Variants in SMYD3 observed in about 807,000 individuals in gnomAD.
The protein encoded by SMYD3 is histone-lysine N-methyltransferase SMYD3.
SMYD3 carries 36 observed loss-of-function variants against 57.7 expected under a neutral mutation model. The ratio of observed to expected loss-of-function variants is 0.62; its 90% CI spans 0.48 to 0.82. The LOEUF (loss-of-function observed/expected upper bound fraction) is 0.82. Ranked by LOEUF, SMYD3 falls within the 40% of genes least tolerant of loss-of-function variation. The pLI, the probability that SMYD3 is intolerant of heterozygous loss-of-function variation, is 0.00. For missense variants in SMYD3, 515 were observed against 538.8 expected (o/e 0.96, Z 0.44); for synonymous variants, 211 against 195.0 (o/e 1.08, Z -0.68).
rs559629269 is a variant in SMYD3 at position 246,222,314 on chromosome 1, G to A, written c.531+104887C>T. Among the ~76,000 whole-genome samples the A allele has an allele frequency of 2.0e-5, 3 of 152,226 alleles. No homozygotes were observed. In the East Asian group the frequency reaches 5.8e-4, roughly 29 times the overall value. On this transcript the variant is annotated intron_variant, in intron 5 of 11. Coordinates refer to ENST00000490107, the MANE Select transcript of SMYD3 (RefSeq NM_001167740.2). ...ATAGCTCTAAGAAATAGATATTACAGGTATTATTACGGACTTTATTATCGA... is the reference window on the plus strand; with the variant it reads ...ATAGCTCTAAGAAATAGATATTACAAGTATTATTACGGACTTTATTATCGA...
chr1:246,324,984 C>CGG (rs144656985), intron 5 of SMYD3, among the ~76,000 whole-genome samples: 6 of 92,808 alleles, frequency 6.5e-5, no homozygotes, highest in South Asian at 4.7e-4. Context: ...GAGAAGGAGT[C>CGG]AGGGGGCGGG....
intron 1 of SMYD3, among the ~76,000 whole-genome samples, chr1:246,478,233 AG>A (rs2103055850): frequency 6.6e-6 from 1 of 152,384 alleles, no homozygotes; most frequent in South Asian, 2.1e-4. Context: ...AAATGATAGG[AG>A]ATTTCACTGC....
intron 5 of SMYD3, among the ~76,000 whole-genome samples, chr1:246,080,215 C>T (rs1312666461): frequency 6.6e-6 from 1 of 152,142 alleles, no homozygotes; most frequent in East Asian, 1.9e-4. Context: ...AACTGGGTCA[C>T]ACGGCAGGAG....
At position 246,219,359 on chromosome 1, in the gene SMYD3, C is replaced by T. The variant is rs370123426; in HGVS notation, c.531+107842G>A. 4.3e-4 allele frequency among the ~76,000 whole-genome samples: 66 copies of T among 152,174 alleles called. 1 individual carries two copies. Among genetic ancestry groups the T allele is most frequent in the African/African-American group, 1.5e-3 (64 of 41,502 alleles). Reference sequence around the variant, plus strand: ...GCTTGACTTCAGAGGGACAGCCTGACGGGGTAACTCTGGAGAAGAATCTGG... The same window carrying T: ...GCTTGACTTCAGAGGGACAGCCTGATGGGGTAACTCTGGAGAAGAATCTGG... On this transcript the variant is annotated intron_variant, in intron 5 of 11. Coordinates refer to ENST00000490107, the MANE Select transcript of SMYD3 (RefSeq NM_001167740.2).
At chr1:246,047,490 C>A (rs1282763194) in intron 5 of SMYD3, among the ~76,000 whole-genome samples, 1 of 152,178 alleles carries the variant, frequency 6.6e-6, no homozygotes, top group South Asian at 2.1e-4. Context: ...GATTGTATTA[C>A]CTCAAAGCAT....
At chr1:246,132,383 A>C (rs1368888863) in intron 5 of SMYD3, among the ~76,000 whole-genome samples, 2 of 152,148 alleles carry the variant, frequency 1.3e-5, no homozygotes, top group Non-Finnish European at 2.9e-5. Context: ...AAGAGTGCTA[A>C]GACCATTCAA....
At chr1:246,243,998 TAC>T (rs1449634161) in intron 5 of SMYD3, among the ~76,000 whole-genome samples, 3 of 105,818 alleles carry the variant, frequency 2.8e-5, no homozygotes, top group African/African-American at 1.0e-4. Context: ...TACATATATA[TAC>T]ACGTATATAT....
At chr1:246,363,410 C>G (rs1173659612) in intron 1 of SMYD3, among the ~76,000 whole-genome samples, 8 of 152,112 alleles carry the variant, frequency 5.3e-5, no homozygotes, top group Admixed American at 4.6e-4. Context: ...ACCACCCCGT[C>G]TGGGAGGTGT....
At chr1:245,803,301 C>G (rs1010608696) in intron 10 of SMYD3, among the ~76,000 whole-genome samples, 1 of 152,156 alleles carries the variant, frequency 6.6e-6, no homozygotes, top group East Asian at 1.9e-4. Context: ...AGGAGCAAAC[C>G]AACAGCAAAA....
At chr1:245,798,656 C>G (rs978026145) in intron 10 of SMYD3, among the ~76,000 whole-genome samples, 40 of 152,164 alleles carry the variant, frequency 2.6e-4, no homozygotes, top group African/African-American at 9.6e-4. Flanking sequence ...CTGGACGAGG[C>G]TGAACAGGAG....
At chr1:246,219,201 T>C (rs1026252133) in intron 5 of SMYD3, among the ~76,000 whole-genome samples, 10 of 152,080 alleles carry the variant, frequency 6.6e-5, no homozygotes, top group Admixed American at 1.3e-4. Flanking sequence ...CCTGCTTGAA[T>C]GCTGCCTTTT....
intron 5 of SMYD3, among the ~76,000 whole-genome samples, chr1:246,297,166 G>A (rs558099031): frequency 2.4e-4 from 36 of 152,206 alleles, no homozygotes; most frequent in African/African-American, 8.4e-4. Flanking sequence ...GAAAAACAAT[G>A]TGAAAAAGAA....
chr1:245,994,989 G>C (rs575600694), intron 5 of SMYD3, among the ~76,000 whole-genome samples: 27 of 152,200 alleles, frequency 1.8e-4, no homozygotes, highest in African/African-American at 6.5e-4. Context: ...GCTGAGGGTG[G>C]TGGCATGCGC....
chr1:246,123,571 A>AACACACACACACAC (rs557543331), intron 5 of SMYD3, among the ~76,000 whole-genome samples: 16 of 129,488 alleles, frequency 1.2e-4, no homozygotes, highest in African/African-American at 2.6e-4. Flanking sequence ...TCCATCTCAA[A>AACACACACACACAC]ACACACACAC....
chr1:245,840,095 C>A (rs1391991634), intron 10 of SMYD3, among the ~76,000 whole-genome samples: 1 of 152,018 alleles, frequency 6.6e-6, no homozygotes, highest in Non-Finnish European at 1.5e-5. Context: ...TGATAACCAG[C>A]ACTTTCAGAG....
In SMYD3 at chr1:246,220,364, C is replaced by T. The variant is rs185343537; in HGVS notation, c.531+106837G>A. Among the ~76,000 whole-genome samples, 25 of 151,086 alleles carry T rather than the reference C, an allele frequency of 1.7e-4. No individual in the cohort carries two copies. The East Asian group carries it at 4.7e-3, about 29-fold the overall frequency. On this transcript the variant is annotated intron_variant, in intron 5 of 11. Coordinates refer to ENST00000490107, the MANE Select transcript of SMYD3 (RefSeq NM_001167740.2). ...ATGCAGCTGCAGACCCAGGCACCTG[C>T]AGCCTCCCAAACCATGGCTGCAGAC...
At chr1:246,431,659 G>A (rs2067298321) in intron 1 of SMYD3, among the ~76,000 whole-genome samples, 1 of 152,190 alleles carries the variant, frequency 6.6e-6, no homozygotes, top group Non-Finnish European at 1.5e-5. Flanking sequence ...TTGAACCCAG[G>A]AGGCAGAAGT....
chr1:246,379,069 CACACACATACAT>C (rs1417829350), intron 1 of SMYD3, among the ~76,000 whole-genome samples: 3 of 93,342 alleles, frequency 3.2e-5, no homozygotes, highest in Non-Finnish European at 6.2e-5. Context: ...TATATACTTA[CACACACATACAT>C]ACACACACAC....
At chr1:246,381,065 T>G (rs1451269053) in intron 1 of SMYD3, among the ~76,000 whole-genome samples, 1 of 152,152 alleles carries the variant, frequency 6.6e-6, no homozygotes, top group Non-Finnish European at 1.5e-5. Context: ...GAATGGCAAA[T>G]GCTTCAGAGG....
Sources: allele counts gnomAD v4.1 joint callset (sites outside exome capture counted in the v4.1 genomes callset), GRCh38; gene constraint gnomAD v4.1.1; transcripts MANE v1.5; gene names NCBI Gene and HGNC (gene_info 2026-07-23, HGNC 2026-07-21).